Variants in INSL6 observed in about 807,000 individuals in gnomAD.
INSL6 encodes the protein insulin like 6.
Under a neutral mutation model 9.4 loss-of-function variants are expected in INSL6, and 16 were observed. The observed-to-expected ratio is 1.70, with a 90% CI of 1.15 to 2.59. The LOEUF is 2.59. Ranked by LOEUF, INSL6 falls within the 30% of genes most tolerant of loss-of-function variation. The pLI is 0.00. For synonymous variants in INSL6, 154 were observed against 96.9 expected (o/e 1.59, Z -3.46); for missense variants, 391 against 257.3 (o/e 1.52, Z -3.56).
the INSL6 span, chr9:5,112,726 CA>C: frequency 1.3e-6 from 1 of 761,484 alleles, no homozygotes; most frequent in South Asian, 3.5e-5. Context: ...ACCTGAATCC[CA>C]AAACAGCCTG....
Position 5,164,040 on chromosome 9 carries a change from C to T in INSL6, c.515G>A (p.Arg172Lys). 5.6e-6 allele frequency: 9 copies of T among 1,613,680 alleles called. No individual in the cohort carries two copies. Among genetic ancestry groups the T allele is most frequent in the Non-Finnish European group, 7.6e-6 (9 of 1,179,810 alleles). ...FWGHHPQRKR[R>K]GYSEKCCLTG... is the part of the protein sequence containing the mutation. The stretch of plus-strand genomic sequence containing the variant: ...AAGACAACACTTTTCTGAATATCCT[C>T]TGCGTTTTCTTTGGGGATGATGCCC... The change falls in exon 2 of 2, where the codon AGA (arginine) becomes AAA (lysine). Residue 172 changes from arginine to lysine, a missense_variant. Arg to Lys is a conservative substitution (Grantham distance 26, BLOSUM62 2). Transcript: ENST00000381641.
chr9:5,126,253 C>T (rs1035451209), intron 3 of INSL6: 1 of 940,458 alleles, frequency 1.1e-6, no homozygotes, highest in Non-Finnish European at 1.6e-6. Flanking sequence ...TAAATTTTTT[C>T]CCATTGACTG....
chr9:5,179,821 AAC>A (rs1487468201), intron 1 of INSL6, among the ~76,000 whole-genome samples: 1 of 152,166 alleles, frequency 6.6e-6, no homozygotes, highest in Non-Finnish European at 1.5e-5. Context: ...TGCAGGGGAA[AAC>A]ACACACTGGG....
At chr9:5,065,323 C>A in the INSL6 span, among the ~76,000 whole-genome samples, 2 of 152,132 alleles carry the variant, frequency 1.3e-5, no homozygotes, top group African/African-American at 4.8e-5. Context: ...AAAGAAAGAT[C>A]TCCAATTTAT....
the INSL6 span, chr9:5,114,202 G>T: frequency 2.1e-6 from 1 of 482,112 alleles, no homozygotes; most frequent in African/African-American, 1.9e-5. Context: ...ACCTACCTGA[G>T]CCGGTCCAGC....
the INSL6 span, among the ~76,000 whole-genome samples, chr9:4,997,537 C>T: frequency 6.6e-6 from 1 of 152,158 alleles, no homozygotes; most frequent in Non-Finnish European, 1.5e-5. Context: ...CTAAACCATT[C>T]ATGAGAAATC....
At chr9:5,143,178 G>C (rs1013605281) in intron 2 of INSL6, among the ~76,000 whole-genome samples, 4 of 151,418 alleles carry the variant, frequency 2.6e-5, no homozygotes, top group Non-Finnish European at 5.9e-5. Flanking sequence ...GCCAGGTTTT[G>C]GTATCAGGAT....
intron 2 of INSL6, among the ~76,000 whole-genome samples, chr9:5,156,251 A>G (rs1245047356): frequency 1.3e-5 from 2 of 152,238 alleles, no homozygotes; most frequent in Non-Finnish European, 2.9e-5. Flanking sequence ...TTATTGGTGA[A>G]TTTCAGCAAG....
chr9:5,026,721 G>A, the INSL6 span, among the ~76,000 whole-genome samples: 1 of 152,128 alleles, frequency 6.6e-6, no homozygotes, highest in Non-Finnish European at 1.5e-5. Flanking sequence ...GTGTGTGTAC[G>A]TGTATGCGTA....
chr9:5,029,118 A>G, the INSL6 span, among the ~76,000 whole-genome samples: 1 of 152,222 alleles, frequency 6.6e-6, no homozygotes, highest in Admixed American at 6.5e-5. Flanking sequence ...AGTGAGAGAT[A>G]TGAAACTCTT....
At chr9:5,026,496 G>A in the INSL6 span, among the ~76,000 whole-genome samples, 13 of 152,118 alleles carry the variant, frequency 8.5e-5, 1 homozygote, top group South Asian at 2.1e-4. Context: ...CATTTGTGCC[G>A]TTTCTATCTA....
At chr9:5,137,868 C>T (rs1299659217) in intron 2 of INSL6, among the ~76,000 whole-genome samples, 1 of 151,670 alleles carries the variant, frequency 6.6e-6, no homozygotes, top group East Asian at 1.9e-4. Context: ...CCAGAATCTA[C>T]AAAGAACTTA....
the INSL6 span, among the ~76,000 whole-genome samples, chr9:5,054,245 G>A: frequency 3.6e-3 from 550 of 152,138 alleles, 2 homozygotes; most frequent in African/African-American, 0.013. The surrounding 1 kb of genome is among the most constrained non-coding windows in gnomAD (Gnocchi z 4.9). Context: ...ACTCTGGTAT[G>A]TGAAATAGAG....
chr9:5,057,314 T>TTG, the INSL6 span, among the ~76,000 whole-genome samples: 20 of 152,138 alleles, frequency 1.3e-4, no homozygotes, highest in Non-Finnish European at 2.5e-4. Context: ...TCCCAGTGTA[T>TTG]TATGTGTTAG....
the INSL6 span, chr9:5,085,796 G>A: frequency 1.3e-6 from 1 of 755,916 alleles, no homozygotes; most frequent in Non-Finnish European, 2.5e-6. Context: ...TACATGCTCG[G>A]GCCATTAGTA....
chr9:5,139,205 G>C (rs77559991), intron 2 of INSL6, among the ~76,000 whole-genome samples: 1 of 152,058 alleles, frequency 6.6e-6, no homozygotes, highest in African/African-American at 2.4e-5. Context: ...AAGAATTGGA[G>C]GCATTCTAAT....
At chr9:5,040,445 G>A in the INSL6 span, among the ~76,000 whole-genome samples, 3 of 150,816 alleles carry the variant, frequency 2.0e-5, no homozygotes, top group African/African-American at 7.5e-5. Context: ...AAGAAAAATA[G>A]TTAAGTTAGG....
the INSL6 span, among the ~76,000 whole-genome samples, chr9:5,006,838 A>G: frequency 6.6e-6 from 1 of 152,198 alleles, no homozygotes. Context: ...AATTATATAT[A>G]GAATTATTCA....
At chr9:5,019,710 G>T in the INSL6 span, among the ~76,000 whole-genome samples, 1 of 152,296 alleles carries the variant, frequency 6.6e-6, no homozygotes, top group East Asian at 1.9e-4. Flanking sequence ...TTTTCCTGAA[G>T]ATTTGACTGG....
Sources: gnomAD v4.1 joint callset for allele counts (sites outside exome capture counted in the v4.1 genomes callset) on GRCh38, gnomAD v4.1.1 for gene constraint, Gnocchi (gnomAD v3.1) non-coding constraint, MANE v1.5 for transcripts, NCBI Gene and HGNC (gene_info 2026-07-23, HGNC 2026-07-21) for gene names.